The following STRN3 variants were observed in gnomAD, a reference collection of about 807,000 sequenced individuals.
STRN3 encodes striatin 3.
A neutral mutation model predicts 95.6 loss-of-function variants in STRN3; 29 were observed. The ratio of observed to expected loss-of-function variants is 0.30; its 90% CI spans 0.23 to 0.41. STRN3 has a LOEUF of 0.41. Ranked by LOEUF, STRN3 falls within the 10% of genes least tolerant of loss-of-function variation. The probability of loss-of-function intolerance (pLI) is 1.00; values close to 1 mark genes in which losing one functional copy is unlikely to be tolerated. For synonymous variants in STRN3, 331 were observed against 357.6 expected, an observed-to-expected ratio of 0.93 and a Z score of 0.84; for missense variants, 890 against 972.1, an observed-to-expected ratio of 0.92 and a Z score of 1.12.
intron 1 of STRN3, among the ~76,000 whole-genome samples, chr14:30,965,451 C>G (rs1241860693): frequency 6.6e-6 from 1 of 151,920 alleles, no homozygotes; most frequent in East Asian, 1.9e-4. Context: ...CTTTAGGAGA[C>G]TAAGGCAGAA....
chr14:31,006,118 CAAAAA>C (rs370320880), intron 1 of STRN3, among the ~76,000 whole-genome samples: 1 of 75,268 alleles, frequency 1.3e-5, no homozygotes, highest in Non-Finnish European at 2.7e-5. Flanking sequence ...GACTCTGTCT[CAAAAA>C]AAAAAAAAAA....
At chr14:31,008,938 C>T (rs1235332024) in intron 1 of STRN3, among the ~76,000 whole-genome samples, 1 of 151,844 alleles carries the variant, frequency 6.6e-6, no homozygotes, top group African/African-American at 2.4e-5. Context: ...ACTCAGGAGG[C>T]TGAGGAGGAA....
At chr14:30,926,664 A>C (rs1878189629) in intron 8 of STRN3, among the ~76,000 whole-genome samples, 1 of 152,020 alleles carries the variant, frequency 6.6e-6, no homozygotes, top group South Asian at 2.1e-4. Context: ...TATCTGAATA[A>C]CAAGCATGTG....
At chr14:30,934,960 A>C (rs1343253875) in intron 7 of STRN3, among the ~76,000 whole-genome samples, 2 of 152,226 alleles carry the variant, frequency 1.3e-5, no homozygotes, top group African/African-American at 4.8e-5. Context: ...AAATCCACCA[A>C]AAGCCATATA....
rs140058174 is a variant in STRN3 at position 30,933,231 on chromosome 14, A to G, written c.988+1932T>C. Among the ~76,000 whole-genome samples, 498 of 135,634 alleles carry G rather than the reference A, an allele frequency of 3.7e-3. 3 individuals carry two copies. Among genetic ancestry groups the G allele is most frequent in the African/African-American group, 0.013 (469 of 37,250 alleles). 89.0% of individuals were successfully genotyped at this position (135,634 alleles called of 152,430 possible). On this transcript the variant is annotated intron_variant, in intron 7 of 17. Coordinates refer to ENST00000357479, the MANE Select transcript of STRN3 (RefSeq NM_001083893.2). The stretch of plus-strand genomic sequence containing the variant: ...GAGGTGAAGGTCACAGACAGCCAAG[A>G]TTGCACCACGGCACCCCAGCCTGGG...
chr14:30,911,057 A>C lies in STRN3; in HGVS notation c.1704T>G (p.Asp568Glu), dbSNP rs771330622. 8 of 1,613,810 alleles carry C rather than the reference A, an allele frequency of 5.0e-6. No homozygotes were observed. The highest frequency in any genetic ancestry group is 5.9e-6 in the Non-Finnish European group (7 of 1,179,968). Reference protein sequence around the residue: ...QWWNMPSPSVDPYDTYEPNVL... With the variant: ...QWWNMPSPSVEPYDTYEPNVL... ...TTTACTTACCATATGTATCATATGG[A>C]TCTACACTGGGACTCGGCATATTCC... Residue 568 changes from aspartate to glutamate, a missense_variant, in exon 13 of 18, where the codon GAT (aspartate) becomes GAG (glutamate). Physicochemically the swap from Asp to Glu is conservative, Grantham distance 45 (BLOSUM62 2). Around this residue, in one of 3 missense-constraint regions of STRN3, gnomAD observed 357 missense variants for 422.8 expected, o/e 0.84. Coordinates refer to ENST00000357479, the MANE Select transcript of STRN3 (RefSeq NM_001083893.2).
At chr14:30,960,702 T>C (rs1427512430) in intron 1 of STRN3, among the ~76,000 whole-genome samples, 2 of 151,784 alleles carry the variant, frequency 1.3e-5, no homozygotes, top group Non-Finnish European at 2.9e-5. Context: ...ACCCCGCCTC[T>C]ACTAAAAATA....
chr14:30,976,188 C>A (rs1881096170), intron 1 of STRN3, among the ~76,000 whole-genome samples: 1 of 152,040 alleles, frequency 6.6e-6, no homozygotes, highest in Non-Finnish European at 1.5e-5. Flanking sequence ...TAAGTATACA[C>A]ACAGAAAATA....
At chr14:31,004,695 C>T (rs1244943834) in intron 1 of STRN3, among the ~76,000 whole-genome samples, 1 of 152,108 alleles carries the variant, frequency 6.6e-6, no homozygotes, top group African/African-American at 2.4e-5. Flanking sequence ...ATTGTTTGAA[C>T]CCGTGAGGCG....
chr14:30,937,131 G>A (rs955262887), intron 5 of STRN3, among the ~76,000 whole-genome samples: 1 of 151,904 alleles, frequency 6.6e-6, no homozygotes, highest in Non-Finnish European at 1.5e-5. Flanking sequence ...ACCATCCTGG[G>A]CAACACAGTG....
intron 1 of STRN3, among the ~76,000 whole-genome samples, chr14:30,977,591 C>G (rs1374319827): frequency 6.6e-6 from 1 of 150,554 alleles, no homozygotes; most frequent in Non-Finnish European, 1.5e-5. Context: ...CAAGACCAGC[C>G]TGGACAACAT....
intron 8 of STRN3, among the ~76,000 whole-genome samples, chr14:30,920,898 T>A (rs902041659): frequency 4.6e-5 from 7 of 152,158 alleles, no homozygotes; most frequent in Non-Finnish European, 1.5e-5. Context: ...TCTGATCCTA[T>A]TTTTTCTACC....
intron 1 of STRN3, among the ~76,000 whole-genome samples, chr14:30,973,333 TG>T (rs1880927542): frequency 1.7e-5 from 1 of 58,072 alleles, no homozygotes; most frequent in East Asian, 4.7e-4. Flanking sequence ...ACCCTTTAGG[TG>T]GGGGGGAGGG....
At chr14:31,018,198 G>C (rs1018399149) in intron 1 of STRN3, among the ~76,000 whole-genome samples, 1 of 151,596 alleles carries the variant, frequency 6.6e-6, no homozygotes, top group Non-Finnish European at 1.5e-5. Context: ...TGTAGTCATG[G>C]CAACAGCCGA....
chr14:30,981,893 G>A lies in STRN3; in HGVS notation c.283-25651C>T, dbSNP rs1174647550. 6.6e-5 allele frequency among the ~76,000 whole-genome samples: 10 copies of A among 152,028 alleles called. No homozygotes were observed. The South Asian group carries it at 2.1e-3, about 32-fold the overall frequency. On this transcript the variant is annotated intron_variant, in intron 1 of 17. Coordinates refer to ENST00000357479, the MANE Select transcript of STRN3 (RefSeq NM_001083893.2). Reference sequence around the variant, plus strand: ...ATGGATCACTTGCAGTCAGGAGTTCGAGACCAGCCTGGCCAACATGGTGAA... The same window carrying A: ...ATGGATCACTTGCAGTCAGGAGTTCAAGACCAGCCTGGCCAACATGGTGAA...
chr14:30,958,405 A>G (rs183744672), intron 1 of STRN3, among the ~76,000 whole-genome samples: 1 of 152,338 alleles, frequency 6.6e-6, no homozygotes, highest in East Asian at 1.9e-4. Context: ...AGGAATAATA[A>G]AAGTTCAGAA....
chr14:30,979,205 A>G (rs1288105671), intron 1 of STRN3, among the ~76,000 whole-genome samples: 1 of 152,174 alleles, frequency 6.6e-6, no homozygotes, highest in Non-Finnish European at 1.5e-5. Context: ...CATAAAGCTA[A>G]CAAAACATGC....
intron 1 of STRN3, among the ~76,000 whole-genome samples, chr14:30,993,826 C>T (rs1453443497): frequency 6.6e-6 from 1 of 151,380 alleles, no homozygotes; most frequent in Admixed American, 6.6e-5. Flanking sequence ...ATTACAGGCA[C>T]CCGCCACCAC....
chr14:30,965,538 G>T (rs1406181521), intron 1 of STRN3, among the ~76,000 whole-genome samples: 1 of 151,732 alleles, frequency 6.6e-6, no homozygotes, highest in Non-Finnish European at 1.5e-5. Context: ...AACAAAAAGA[G>T]GCCAGGAGCG....
Sources: gnomAD v4.1 joint callset for allele counts (sites outside exome capture counted in the v4.1 genomes callset) on GRCh38, gnomAD v4.1.1 for gene constraint, gnomAD v4.1.1 regional missense constraint, MANE v1.5 for transcripts, NCBI Gene and HGNC (gene_info 2026-07-23, HGNC 2026-07-21) for gene names.